Variants in ERICH3 observed in about 807,000 individuals in gnomAD.
ERICH3 encodes the protein glutamate rich 3, also known as glutamate-rich protein 3.
ERICH3 carries 126 observed loss-of-function variants against 131.1 expected under a neutral mutation model. That is an observed-to-expected ratio of 0.96 (90% confidence interval 0.83 to 1.11). The LOEUF is 1.11. Among genes scored for constraint, ERICH3 ranks in the 50% most tolerant of loss-of-function variants. The probability of loss-of-function intolerance (pLI) is 0.00; values close to 1 mark genes in which losing one functional copy is unlikely to be tolerated. For synonymous variants in ERICH3, 695 were observed against 644.6 expected (o/e 1.08, Z -1.18); for missense variants, 2,050 against 1,810.7 (o/e 1.13, Z -2.40).
In ERICH3 at chr1:74,589,643, A is replaced by G; in HGVS notation, c.2164T>C (p.Leu722=). ...CGGCCATACTTACCACCTTCCTCCA[A>G]CCCAGGGAGACCTGCCTTTTTGTCC... ...VKDKKAGLPG[L]EEGGKDSLPL... is the part of the protein sequence containing the mutation. Residue 722 remains leucine, a synonymous_variant, in exon 12 of 15, where the codon TTG becomes CTG. Coordinates refer to ENST00000326665, the MANE Select transcript of ERICH3 (RefSeq NM_001002912.5). 2 of 1,613,834 alleles carry G rather than the reference A, an allele frequency of 1.2e-6. No homozygotes were observed. The highest frequency in any genetic ancestry group is 1.7e-6 in the Non-Finnish European group (2 of 1,179,858).
chr1:74,612,647 A>C lies in ERICH3; in HGVS notation c.1163T>G (p.Val388Gly). Residue 388 changes from valine (V) to glycine (G), a missense_variant, in exon 9 of 15, where the codon GTT becomes GGT. Val to Gly is a moderately radical substitution (Grantham distance 109). Coordinates refer to ENST00000326665, the MANE Select transcript of ERICH3 (RefSeq NM_001002912.5). ...CTTGTAGCAAGGAGATGATCTCTCAACACACACAAACCCAAAGTAGCCTCG... is the reference window on the plus strand; with the variant it reads ...CTTGTAGCAAGGAGATGATCTCTCACCACACACAAACCCAAAGTAGCCTCG... ...GKRGYFGFVC[V>G]ERSSPCYKCI... 1.3e-6 allele frequency: 2 copies of C among 1,584,020 alleles called. No individual in the cohort carries two copies. The highest frequency in any genetic ancestry group is 1.7e-6 in the Non-Finnish European group (2 of 1,157,334).
chr1:74,577,057 G>C (rs999737282), intron 12 of ERICH3, 121 bp from the exon 13 acceptor site: 4 of 751,976 alleles, frequency 5.3e-6, no homozygotes, highest in Non-Finnish European at 8.5e-6. Flanking sequence ...CAACTATCTG[G>C]GAGGCAGGCT....
chr1:74,618,278 C>T (rs1203311112), intron 8 of ERICH3, among the ~76,000 whole-genome samples: 1 of 152,132 alleles, frequency 6.6e-6, no homozygotes, highest in Non-Finnish European at 1.5e-5. Flanking sequence ...GAGAAAGCTG[C>T]ACAGCCTTAA....
At chr1:74,670,791 G>T (rs1409730290) in intron 1 of ERICH3, among the ~76,000 whole-genome samples, 1 of 152,186 alleles carries the variant, frequency 6.6e-6, no homozygotes, top group African/African-American at 2.4e-5. Flanking sequence ...TGGGCAAAAA[G>T]CCATATTTTT....
Position 74,673,614 on chromosome 1 carries a change from G to C in ERICH3, c.-95C>G. ...GCGCTGCGACAGTCGCGCTCGAGGG[G>C]TGGCTCCGCACCGAGGTCCCCTGTG... On this transcript the variant is annotated 5_prime_UTR_variant, in exon 1 of 15. Transcript: ENST00000326665. 1 of 1,442,722 alleles carries C rather than the reference G, an allele frequency of 6.9e-7. No individual in the cohort carries two copies. The highest frequency in any genetic ancestry group is 1.9e-5 in the Admixed American group (1 of 53,858). 89.4% of individuals were successfully genotyped at this position (1,442,722 alleles called of 1,614,324 possible). A position where few individuals can be genotyped will look rare whatever the true frequency, so the allele number is the denominator to read the frequency against.
chr1:74,614,919 C>G (rs570008524), intron 8 of ERICH3, among the ~76,000 whole-genome samples: 3 of 152,222 alleles, frequency 2.0e-5, no homozygotes, highest in African/African-American at 7.2e-5. Flanking sequence ...GTTATAGAAG[C>G]TTGAGTCTAC....
At chr1:74,658,044 A>C (rs1184019828) in intron 1 of ERICH3, among the ~76,000 whole-genome samples, 3 of 152,148 alleles carry the variant, frequency 2.0e-5, no homozygotes, top group Non-Finnish European at 2.9e-5. Flanking sequence ...ACTCTGTATA[A>C]TATACACAAT....
chr1:74,635,469 T>A (rs1646380202), intron 6 of ERICH3, among the ~76,000 whole-genome samples: 1 of 152,184 alleles, frequency 6.6e-6, no homozygotes, highest in Non-Finnish European at 1.5e-5. Context: ...CAAGGTTATC[T>A]GTCAATTAAA....
chr1:74,668,367 C>G (rs1364902927), intron 1 of ERICH3, among the ~76,000 whole-genome samples: 1 of 152,182 alleles, frequency 6.6e-6, no homozygotes, highest in Non-Finnish European at 1.5e-5. Flanking sequence ...AGAAAAACAT[C>G]TGAGAAACAG....
chr1:74,657,816 T>C (rs1646599811), intron 1 of ERICH3, among the ~76,000 whole-genome samples: 1 of 152,120 alleles, frequency 6.6e-6, no homozygotes, highest in Non-Finnish European at 1.5e-5. Flanking sequence ...TATGCTTTCA[T>C]ATACCATGAA....
chr1:74,571,559 T>A lies in ERICH3; in HGVS notation c.4151A>T (p.Glu1384Val). 1 of 1,614,184 alleles carries A rather than the reference T, an allele frequency of 6.2e-7. No individual in the cohort carries two copies. Among genetic ancestry groups the A allele is most frequent in the Non-Finnish European group, 8.5e-7 (1 of 1,180,014 alleles). Residue 1384 changes from glutamate to valine, a missense_variant, in exon 14 of 15, where the codon GAA becomes GTA. Physicochemically the swap from Glu to Val is moderately radical, Grantham distance 121. Transcript: ENST00000326665. ...KASSFSDVAE[E>V]ETWHQQDELV... Reference sequence around the variant, plus strand: ...CTCATCCTGTTGGTGCCAGGTTTCTTCCTCAGCAACATCTGAAAAGGAGGA... The same window carrying A: ...CTCATCCTGTTGGTGCCAGGTTTCTACCTCAGCAACATCTGAAAAGGAGGA...
At position 74,599,693 on chromosome 1, in the gene ERICH3, G is replaced by A. The variant is rs182040367; in HGVS notation, c.1726+2C>T. ...TGTTACATGATAAGCTGAACAACTC[G>A]CCTTGTTTATCCTCTTCCAGTTCAC... On this transcript the variant is annotated splice_donor_variant, in intron 11 of 14. Transcript: ENST00000326665. LOFTEE classifies it low-confidence loss of function (GC_TO_GT_DONOR). The A allele has an allele frequency of 9.5e-5, 152 of 1,597,394 alleles. 1 individual carries two copies. The East Asian group carries it at 2.6e-3, about 27-fold the overall frequency.
At position 74,665,008 on chromosome 1, in the gene ERICH3, A is replaced by T. The variant is rs542547263; in HGVS notation, c.23+8489T>A. 3.9e-5 allele frequency among the ~76,000 whole-genome samples: 6 copies of T among 152,274 alleles called. No homozygotes were observed. The South Asian group carries it at 8.3e-4, about 21-fold the overall frequency. On this transcript the variant is annotated intron_variant, in intron 1 of 14. Transcript: ENST00000326665. Reference sequence around the variant, plus strand: ...TAACGTCTGTATCACCCCAAAATTCATATGTTGAAATCTTAACCCACAATG... The same window carrying T: ...TAACGTCTGTATCACCCCAAAATTCTTATGTTGAAATCTTAACCCACAATG...
rs72968124 is a variant in ERICH3 at position 74,662,060 on chromosome 1, T to G, written c.23+11437A>C. Among the ~76,000 whole-genome samples, 736 of 152,284 alleles carry G rather than the reference T, an allele frequency of 4.8e-3. 2 individuals carry two copies. Among genetic ancestry groups the G allele is most frequent in the African/African-American group, 5.3e-3 (220 of 41,584 alleles). On this transcript the variant is annotated intron_variant, in intron 1 of 14. Coordinates refer to ENST00000326665, the MANE Select transcript of ERICH3 (RefSeq NM_001002912.5). ...TTTTTGCCCACACTCCTGACTACAG[T>G]TTCTGAATATCTCTGTCTTTTAATC...
intron 11 of ERICH3, among the ~76,000 whole-genome samples, chr1:74,598,053 CT>C (rs1394667583): frequency 6.6e-6 from 1 of 151,788 alleles, no homozygotes; most frequent in African/African-American, 2.4e-5. Flanking sequence ...TAACTTAGGA[CT>C]TTTTTATTTC....
intron 11 of ERICH3, among the ~76,000 whole-genome samples, chr1:74,594,984 A>T (rs1647780035): frequency 6.6e-6 from 1 of 152,152 alleles, no homozygotes; most frequent in African/African-American, 2.4e-5. Context: ...TCTCAGTGAC[A>T]TAACCGTGGA....
intron 11 of ERICH3, among the ~76,000 whole-genome samples, chr1:74,598,947 C>T (rs1234164347): frequency 6.6e-6 from 1 of 151,820 alleles, no homozygotes; most frequent in Non-Finnish European, 1.5e-5. Flanking sequence ...ATACCATAAA[C>T]TTTCATATTG....
In ERICH3 at chr1:74,620,675, G is replaced by A. The variant is rs1649173285; in HGVS notation, c.1000+59C>T. ...AAGTCATTTTGATATTATATCAACA[G>A]CAGCTTATCTATAACATCAACTCCA... On this transcript the variant is annotated intron_variant, in intron 8 of 14. Coordinates refer to ENST00000326665, the MANE Select transcript of ERICH3 (RefSeq NM_001002912.5). 3.7e-6 allele frequency: 5 copies of A among 1,360,992 alleles called. No individual in the cohort carries two copies. The Admixed American group carries it at 7.1e-5, about 19-fold the overall frequency. 84.3% of individuals were successfully genotyped at this position (1,360,992 alleles called of 1,614,324 possible).
intron 12 of ERICH3, among the ~76,000 whole-genome samples, chr1:74,579,030 A>G (rs1647128737): frequency 6.6e-6 from 1 of 152,202 alleles, no homozygotes. Flanking sequence ...GTTTTTTACA[A>G]TAAGAGTTTA....
Sources: allele counts gnomAD v4.1 joint callset (sites outside exome capture counted in the v4.1 genomes callset), GRCh38; gene constraint gnomAD v4.1.1; transcripts MANE v1.5; gene names NCBI Gene and HGNC (gene_info 2026-07-23, HGNC 2026-07-21).